Variants in RIMS2 observed in about 807,000 individuals in gnomAD.
The protein encoded by RIMS2 is regulating synaptic membrane exocytosis protein 2.
A neutral mutation model predicts 174.4 loss-of-function variants in RIMS2; 59 were observed. The observed-to-expected ratio is 0.34, with a 90% CI of 0.27 to 0.42. The LOEUF is 0.42. RIMS2 is among the 10% of genes least tolerant of loss of function. The pLI, the probability that RIMS2 is intolerant of heterozygous loss-of-function variation, is 1.00. For synonymous variants in RIMS2, 606 were observed against 572.5 expected (o/e 1.06, Z -0.84); for missense variants, 1,620 against 1,666.3 (o/e 0.97, Z 0.48).
chr8:103,608,143 G>T (rs1308708173), intron 1 of RIMS2, among the ~76,000 whole-genome samples: 1 of 147,622 alleles, frequency 6.8e-6, no homozygotes, highest in Non-Finnish European at 1.5e-5. Flanking sequence ...TCTACTTTTG[G>T]TCTTTGATGA....
intron 1 of RIMS2, among the ~76,000 whole-genome samples, chr8:103,573,344 A>G (rs1169109322): frequency 6.6e-6 from 1 of 152,046 alleles, no homozygotes. Flanking sequence ...GGTTACAGGC[A>G]TGAGCTACCA....
intron 2 of RIMS2, among the ~76,000 whole-genome samples, chr8:103,702,268 T>C (rs1193144068): frequency 1.3e-5 from 2 of 152,182 alleles, no homozygotes; most frequent in African/African-American, 4.8e-5. Context: ...TTTGTCCATT[T>C]TTAAATCTGA....
intron 19 of RIMS2, among the ~76,000 whole-genome samples, chr8:104,047,114 A>T (rs906532063): frequency 6.6e-6 from 1 of 152,186 alleles, no homozygotes; most frequent in South Asian, 2.1e-4. Context: ...AAGAGTAAGG[A>T]TGCCCCAACA....
chr8:104,248,197 G>A (rs2099346149), intron 20 of RIMS2, among the ~76,000 whole-genome samples: 1 of 152,196 alleles, frequency 6.6e-6, no homozygotes, highest in African/African-American at 2.4e-5. Flanking sequence ...TTATTTCAAG[G>A]AGAGAAATGG....
intron 15 of RIMS2, among the ~76,000 whole-genome samples, chr8:103,968,666 C>G (rs1383082000): frequency 6.6e-6 from 1 of 151,764 alleles, no homozygotes; most frequent in South Asian, 2.1e-4. Flanking sequence ...TGCTGTCATT[C>G]GACTTAAATT....
At chr8:104,239,666 TAA>T (rs758112480) in intron 19 of RIMS2, among the ~76,000 whole-genome samples, 32 of 152,228 alleles carry the variant, frequency 2.1e-4, no homozygotes, top group Non-Finnish European at 3.8e-4. Flanking sequence ...GATATTTTAA[TAA>T]GTCTCCTCAT....
intron 3 of RIMS2, among the ~76,000 whole-genome samples, chr8:103,780,293 G>A (rs1341941686): frequency 6.6e-6 from 1 of 152,046 alleles, no homozygotes; most frequent in Non-Finnish European, 1.5e-5. Flanking sequence ...TATTTCTCAA[G>A]TTTTGGAAAA....
intron 19 of RIMS2, among the ~76,000 whole-genome samples, chr8:104,107,418 T>A (rs964026250): frequency 6.6e-5 from 10 of 152,336 alleles, no homozygotes; most frequent in African/African-American, 2.4e-4. Context: ...ATTAGTTGAG[T>A]ATAGTATATC....
Position 104,022,460 on chromosome 8 carries a change from G to A in RIMS2, c.3334+7845G>A, listed in dbSNP as rs1453728274. ...CAGTGGCGCACAGTCTCAGCTCACT[G>A]CAACCTCCCCCTCCCGGCTCAAGGG... On this transcript the variant is annotated intron_variant, in intron 19 of 23. Coordinates refer to ENST00000504942, the Ensembl canonical transcript of RIMS2. Among the ~76,000 whole-genome samples, 4 of 152,032 alleles carry A rather than the reference G, an allele frequency of 2.6e-5. No homozygotes were observed. In the East Asian group the frequency reaches 7.7e-4, roughly 29 times the overall value.
At chr8:104,162,194 G>C (rs1039521495) in intron 19 of RIMS2, among the ~76,000 whole-genome samples, 3 of 152,268 alleles carry the variant, frequency 2.0e-5, no homozygotes, top group Non-Finnish European at 4.4e-5. Context: ...GATAGTAATA[G>C]ATGAAAAGGT....
chr8:103,649,648 C>CTTTTTTTT (rs71575979), intron 1 of RIMS2, among the ~76,000 whole-genome samples: 1 of 143,408 alleles, frequency 7.0e-6, no homozygotes, highest in African/African-American at 2.6e-5. Context: ...CCTTTTCATT[C>CTTTTTTTT]TTTTTTTTTT....
chr8:103,552,870 G>T (rs1438683148), intron 1 of RIMS2, among the ~76,000 whole-genome samples: 1 of 152,184 alleles, frequency 6.6e-6, no homozygotes, highest in Non-Finnish European at 1.5e-5. Flanking sequence ...GGCCATCAGA[G>T]AAATGCAAAT....
intron 2 of RIMS2, among the ~76,000 whole-genome samples, chr8:103,719,635 A>G (rs1016692964): frequency 1.3e-5 from 2 of 152,190 alleles, no homozygotes; most frequent in African/African-American, 4.8e-5. Context: ...TGAATTTTCT[A>G]TTTTACATAG....
intron 16 of RIMS2, 150 bp from the exon 19 acceptor site, chr8:103,989,155 T>C (rs1051953075): frequency 2.2e-5 from 13 of 594,318 alleles, no homozygotes; most frequent in Non-Finnish European, 3.6e-5. Flanking sequence ...CTGAAACTTA[T>C]ACCTTTAGTT....
At chr8:103,649,193 TATG>T (rs1426588858) in intron 1 of RIMS2, among the ~76,000 whole-genome samples, 1 of 152,168 alleles carries the variant, frequency 6.6e-6, no homozygotes, top group East Asian at 1.9e-4. Flanking sequence ...CTCCTTCACT[TATG>T]ATGTTTAGTT....
intron 19 of RIMS2, among the ~76,000 whole-genome samples, chr8:104,104,198 G>T (rs1463109941): frequency 2.0e-5 from 3 of 152,144 alleles, no homozygotes; most frequent in African/African-American, 7.2e-5. Flanking sequence ...AAGTTGAGTT[G>T]GGGGTTTGAA....
intron 1 of RIMS2, among the ~76,000 whole-genome samples, chr8:103,563,674 C>T (rs1304697632): frequency 6.6e-6 from 1 of 152,140 alleles, no homozygotes; most frequent in Non-Finnish European, 1.5e-5. Context: ...TTTTCAGTAG[C>T]ACCCCACTCC....
At chr8:103,814,902 T>TAG (rs1378601194) in intron 3 of RIMS2, among the ~76,000 whole-genome samples, 4 of 152,172 alleles carry the variant, frequency 2.6e-5, no homozygotes, top group African/African-American at 4.8e-5. Context: ...GCTAATGATA[T>TAG]AGCTAATCAC....
rs534970453 is a variant in RIMS2 at position 104,199,186 on chromosome 8, C to T, written c.3335-45730C>T. Among the ~76,000 whole-genome samples the T allele has an allele frequency of 1.5e-4, 23 of 152,204 alleles. No homozygotes were observed. In the South Asian group the frequency reaches 4.8e-3, roughly 32 times the overall value. On this transcript the variant is annotated intron_variant, in intron 19 of 23. Transcript: ENST00000504942. ...ACACCATTCTCCTGCCTCAGCCTCC[C>T]GAGTAGCTGGGACTACAGGCGCCCG...
Sources: allele counts gnomAD v4.1 joint callset (sites outside exome capture counted in the v4.1 genomes callset), GRCh38; gene constraint gnomAD v4.1.1; transcripts MANE v1.5; gene names NCBI Gene and HGNC (gene_info 2026-07-23, HGNC 2026-07-21).